Variants in MYLK observed in about 807,000 individuals in gnomAD.
MYLK encodes myosin light chain kinase, smooth muscle.
In MYLK, 106 loss-of-function variants were observed where a neutral mutation model predicts 203.4. The ratio of observed to expected loss-of-function variants is 0.52; its 90% CI spans 0.45 to 0.61. MYLK has a LOEUF of 0.61. Among genes scored for constraint, MYLK ranks in the 20% least tolerant of loss-of-function variants. The pLI is 0.00. For synonymous variants in MYLK, 867 were observed against 959.5 expected, an observed-to-expected ratio of 0.90 and a Z score of 1.78; for missense variants, 2,072 against 2,442.3, an observed-to-expected ratio of 0.85 and a Z score of 3.20.
At chr3:123,833,506 A>G (rs1010142969) in intron 2 of MYLK, among the ~76,000 whole-genome samples, 1 of 114,732 alleles carries the variant, frequency 8.7e-6, no homozygotes, top group African/African-American at 3.6e-5. Context: ...TGCTCTCCCT[A>G]TCCTCAGTTC....
At chr3:123,664,350 A>G in intron 22 of MYLK, 92 bp from the exon 23 acceptor site, 1 of 1,554,238 alleles carries the variant, frequency 6.4e-7, no homozygotes, top group Non-Finnish European at 8.8e-7. Context: ...TTCCTGAAGG[A>G]TGCAGCTGGA....
chr3:123,702,934 C>T (rs2061305067), intron 16 of MYLK, among the ~76,000 whole-genome samples: 1 of 152,178 alleles, frequency 6.6e-6, no homozygotes, highest in Admixed American at 6.5e-5. Context: ...TTGCACTCTA[C>T]CCTACTGTGC....
chr3:123,653,645 A>T (rs1374402711), intron 24 of MYLK, among the ~76,000 whole-genome samples: 1 of 152,150 alleles, frequency 6.6e-6, no homozygotes, highest in Non-Finnish European at 1.5e-5. Flanking sequence ...GGGAGAGGCC[A>T]CTTGCCCCAG....
chr3:123,627,552 A>G (rs1398830972), intron 30 of MYLK, among the ~76,000 whole-genome samples: 1 of 152,228 alleles, frequency 6.6e-6, no homozygotes, highest in African/African-American at 2.4e-5. Flanking sequence ...GAAACATTTT[A>G]GAGCCATTGC....
chr3:123,873,751 A>T (rs540582881), intron 2 of MYLK, among the ~76,000 whole-genome samples: 61 of 152,292 alleles, frequency 4.0e-4, no homozygotes, highest in African/African-American at 1.4e-3. Flanking sequence ...GCTACTAATC[A>T]CATTAGATTT....
chr3:123,833,917 G>T (rs968633862), intron 2 of MYLK, among the ~76,000 whole-genome samples: 2 of 152,070 alleles, frequency 1.3e-5, no homozygotes, highest in African/African-American at 4.8e-5. Context: ...ATCTCCAAAA[G>T]GTCTCTCTCC....
intron 11 of MYLK, among the ~76,000 whole-genome samples, chr3:123,731,536 C>T (rs2062474716): frequency 6.6e-6 from 1 of 152,176 alleles, no homozygotes; most frequent in African/African-American, 2.4e-5. Context: ...TATATGGATA[C>T]ATCACTAACT....
chr3:123,774,313 G>T (rs2063985886), intron 4 of MYLK, among the ~76,000 whole-genome samples: 1 of 152,110 alleles, frequency 6.6e-6, no homozygotes, highest in Non-Finnish European at 1.5e-5. Context: ...TACTTTTGCA[G>T]GGTCAGTGGA....
chr3:123,851,058 C>T (rs2682258), intron 2 of MYLK, among the ~76,000 whole-genome samples: 18,810 of 152,012 alleles, frequency 0.12, 1,924 homozygotes, highest in East Asian at 0.36. Flanking sequence ...TGGTTGTAGA[C>T]GTGTGGTATT....
chr3:123,659,930 T>C (rs149741769), intron 23 of MYLK, among the ~76,000 whole-genome samples: 6 of 152,330 alleles, frequency 3.9e-5, no homozygotes, highest in Admixed American at 6.5e-5. Flanking sequence ...TGTTCTAATT[T>C]CCAGGAAAAT....
intron 23 of MYLK, 143 bp from the exon 24 acceptor site, chr3:123,657,571 G>T: frequency 1.3e-6 from 1 of 767,408 alleles, no homozygotes; most frequent in Non-Finnish European, 2.1e-6. Context: ...TCCCTCATCC[G>T]CACATCACAG....
intron 30 of MYLK, among the ~76,000 whole-genome samples, chr3:123,628,325 G>A (rs548760309): frequency 2.6e-5 from 4 of 152,288 alleles, no homozygotes; most frequent in African/African-American, 9.6e-5. Context: ...GCCCCGAACA[G>A]CCATTCTTCC....
intron 18 of MYLK, 81 bp from the exon 19 acceptor site, chr3:123,692,932 ACTCG>A: frequency 8.1e-7 from 1 of 1,232,190 alleles, no homozygotes; most frequent in Non-Finnish European, 1.2e-6. Flanking sequence ...GGTGAGTGTT[ACTCG>A]CACGGGCAGC....
At chr3:123,746,710 A>G (rs2063027664) in intron 5 of MYLK, among the ~76,000 whole-genome samples, 1 of 152,214 alleles carries the variant, frequency 6.6e-6, no homozygotes. Context: ...TGGTGGGGCA[A>G]AAAGAATAAT....
chr3:123,661,818 G>C (rs531028053), intron 23 of MYLK, among the ~76,000 whole-genome samples: 1 of 152,280 alleles, frequency 6.6e-6, no homozygotes, highest in South Asian at 2.1e-4. Context: ...CCTCTCCCGG[G>C]TCCCCTGTGT....
intron 16 of MYLK, among the ~76,000 whole-genome samples, chr3:123,706,438 G>A (rs1405868595): frequency 3.9e-5 from 6 of 152,106 alleles, no homozygotes; most frequent in African/African-American, 7.2e-5. Flanking sequence ...AAGTACAGGC[G>A]AGAAAGCCCC....
intron 2 of MYLK, among the ~76,000 whole-genome samples, chr3:123,850,675 T>C (rs1244604319): frequency 6.6e-6 from 1 of 152,230 alleles, no homozygotes; most frequent in Non-Finnish European, 1.5e-5. Context: ...TTGCAAAAAT[T>C]TTCTCCCATT....
At chr3:123,848,400 G>C (rs1025579124) in intron 2 of MYLK, among the ~76,000 whole-genome samples, 1 of 151,424 alleles carries the variant, frequency 6.6e-6, no homozygotes, top group Non-Finnish European at 1.5e-5. Flanking sequence ...TCTTGAGTAG[G>C]ATATATATAG....
At chr3:123,858,567 T>C (rs2031615633) in intron 2 of MYLK, among the ~76,000 whole-genome samples, 1 of 152,218 alleles carries the variant, frequency 6.6e-6, no homozygotes, top group Non-Finnish European at 1.5e-5. Context: ...CTGACCATGC[T>C]AGCTCAAGGC....
Sources: allele counts gnomAD v4.1 joint callset (sites outside exome capture counted in the v4.1 genomes callset), GRCh38; gene constraint gnomAD v4.1.1; transcripts MANE v1.5; gene names NCBI Gene and HGNC (gene_info 2026-07-23, HGNC 2026-07-21).